Variants in LINGO2 observed in about 807,000 individuals in gnomAD.
LINGO2 encodes leucine-rich repeat and immunoglobulin-like domain-containing nogo receptor-interacting protein 2.
Under a neutral mutation model 30.6 loss-of-function variants are expected in LINGO2, and 14 were observed. That is an observed-to-expected ratio of 0.46 (90% CI 0.30 to 0.72). LINGO2 has a LOEUF of 0.72. LINGO2 is among the 30% of genes least tolerant of loss of function. The pLI is 0.07. For synonymous variants in LINGO2, 317 were observed against 288.5 expected, an observed-to-expected ratio of 1.10 and a Z score of -1.00; for missense variants, 729 against 751.7, an observed-to-expected ratio of 0.97 and a Z score of 0.35.
chr9:28,625,991 A>G (rs1235810358), intron 1 of LINGO2, among the ~76,000 whole-genome samples: 1 of 135,102 alleles, frequency 7.4e-6, no homozygotes, highest in South Asian at 2.3e-4. Context: ...TGACTTTACT[A>G]AAACAAAACA....
chr9:28,088,887 A>G (rs1825991683), intron 4 of LINGO2, among the ~76,000 whole-genome samples: 1 of 152,160 alleles, frequency 6.6e-6, no homozygotes, highest in African/African-American at 2.4e-5. Context: ...AAGCAAATGG[A>G]AAACAAAAAA....
At chr9:28,304,336 T>C (rs1219149535) in intron 3 of LINGO2, among the ~76,000 whole-genome samples, 1 of 151,168 alleles carries the variant, frequency 6.6e-6, no homozygotes, top group Non-Finnish European at 1.5e-5. Flanking sequence ...ATTTGTATAA[T>C]TACATTATAT....
At chr9:28,920,974 A>T in the LINGO2 span, among the ~76,000 whole-genome samples, 855 of 152,266 alleles carry the variant, frequency 5.6e-3, 12 homozygotes, top group African/African-American at 0.019. Context: ...ACTGTACAAA[A>T]ATATATGCAT....
chr9:28,703,042 T>A, the LINGO2 span, among the ~76,000 whole-genome samples: 2 of 151,816 alleles, frequency 1.3e-5, no homozygotes, highest in Non-Finnish European at 2.9e-5. Context: ...CTATATGCTA[T>A]CAATGTTTTT....
chr9:28,556,703 A>T (rs2135530309), intron 1 of LINGO2, among the ~76,000 whole-genome samples: 1 of 152,138 alleles, frequency 6.6e-6, no homozygotes, highest in South Asian at 2.1e-4. Context: ...ATCCTAAGCC[A>T]AAAGAACAAA....
At chr9:28,836,850 GA>G in the LINGO2 span, among the ~76,000 whole-genome samples, 1 of 151,992 alleles carries the variant, frequency 6.6e-6, no homozygotes, top group Admixed American at 6.6e-5. Context: ...AAATAAGTAA[GA>G]AAAAACTTAC....
intron 5 of LINGO2, among the ~76,000 whole-genome samples, chr9:28,006,203 T>C (rs1267182825): frequency 6.6e-6 from 1 of 152,094 alleles, no homozygotes; most frequent in Non-Finnish European, 1.5e-5. Context: ...TGCAAACATT[T>C]ATCAGTCAAA....
intron 1 of LINGO2, among the ~76,000 whole-genome samples, chr9:28,506,479 C>G (rs375901964): frequency 1.8e-4 from 2 of 11,330 alleles, no homozygotes; most frequent in African/African-American, 3.1e-4. Flanking sequence ...CACACACACA[C>G]ATACACATAC....
chr9:29,105,817 G>T, the LINGO2 span, among the ~76,000 whole-genome samples: 1 of 152,176 alleles, frequency 6.6e-6, no homozygotes, highest in Non-Finnish European at 1.5e-5. Context: ...CAACATCTAG[G>T]ATCTAAGAGT....
chr9:28,627,372 AGTCCAGG>A (rs1423350601), intron 1 of LINGO2, among the ~76,000 whole-genome samples: 1 of 152,080 alleles, frequency 6.6e-6, no homozygotes, highest in Non-Finnish European at 1.5e-5. Context: ...CTGGCAACAA[AGTCCAGG>A]GACCCCTATG....
chr9:28,337,028 T>C (rs143739302), intron 3 of LINGO2, among the ~76,000 whole-genome samples: 2,574 of 150,000 alleles, frequency 0.017, 45 homozygotes, highest in South Asian at 0.07. Context: ...TTTCAATATT[T>C]TAATAATTTT....
chr9:28,552,474 T>C (rs974475038), intron 1 of LINGO2, among the ~76,000 whole-genome samples: 1 of 152,078 alleles, frequency 6.6e-6, no homozygotes, highest in South Asian at 2.1e-4. Context: ...TTCATATTAA[T>C]GTTCCCTCCA....
intron 1 of LINGO2, among the ~76,000 whole-genome samples, chr9:28,629,066 G>A (rs1826815015): frequency 6.6e-6 from 1 of 152,080 alleles, no homozygotes; most frequent in South Asian, 2.1e-4. Context: ...TGTGTACTCT[G>A]TCTTACTTCC....
the LINGO2 span, among the ~76,000 whole-genome samples, chr9:28,841,701 A>G: frequency 6.6e-6 from 1 of 151,762 alleles, no homozygotes; most frequent in Non-Finnish European, 1.5e-5. Context: ...AGATGAACAG[A>G]GAAGGTAAAA....
chr9:28,949,113 T>C, the LINGO2 span, among the ~76,000 whole-genome samples: 2 of 152,084 alleles, frequency 1.3e-5, no homozygotes, highest in African/African-American at 4.8e-5. Flanking sequence ...AAGCAGTGTT[T>C]AGAGGGAAAT....
the LINGO2 span, among the ~76,000 whole-genome samples, chr9:29,016,002 CTCTT>C: frequency 3.9e-5 from 6 of 152,140 alleles, no homozygotes; most frequent in Non-Finnish European, 7.4e-5. Flanking sequence ...GCTCTCTATT[CTCTT>C]TCTATGTGTA....
chr9:28,747,505 GAGCACAGTGT>G, the LINGO2 span, among the ~76,000 whole-genome samples: 1 of 152,086 alleles, frequency 6.6e-6, no homozygotes, highest in Non-Finnish European at 1.5e-5. Context: ...AAAGCTGAAA[GAGCACAGTGT>G]AGCACACACC....
chr9:29,018,885 C>T, the LINGO2 span, among the ~76,000 whole-genome samples: 4 of 152,258 alleles, frequency 2.6e-5, no homozygotes, highest in East Asian at 7.7e-4. Flanking sequence ...TTCACAGGGA[C>T]TATGTACAGG....
chr9:28,712,690 C>A, the LINGO2 span, among the ~76,000 whole-genome samples: 3 of 151,146 alleles, frequency 2.0e-5, no homozygotes, highest in Non-Finnish European at 4.4e-5. Context: ...CCATTAACTC[C>A]AAATTTTTAT....
Sources: allele counts gnomAD v4.1 joint callset (sites outside exome capture counted in the v4.1 genomes callset), GRCh38; gene constraint gnomAD v4.1.1; transcripts MANE v1.5; gene names NCBI Gene and HGNC (gene_info 2026-07-23, HGNC 2026-07-21).